The following ADGRF5 variants were observed in gnomAD, a reference collection of about 807,000 sequenced individuals.
ADGRF5 encodes the protein G-protein coupled receptor 116.
Under a neutral mutation model 132.3 loss-of-function variants are expected in ADGRF5, and 75 were observed. That is an observed-to-expected ratio of 0.57 (90% CI 0.47 to 0.69). The LOEUF (loss-of-function observed/expected upper bound fraction) is 0.69, where lower values mean the gene tolerates loss of function less well. Ranked by LOEUF, ADGRF5 falls within the 30% of genes least tolerant of loss-of-function variation. The pLI is 0.00. For synonymous variants in ADGRF5, 629 were observed against 597.6 expected, an observed-to-expected ratio of 1.05 and a Z score of -0.77; for missense variants, 1,516 against 1,630.6, an observed-to-expected ratio of 0.93 and a Z score of 1.21.
chr6:46,915,504 T>A (rs910247914), intron 1 of ADGRF5, among the ~76,000 whole-genome samples: 1 of 152,044 alleles, frequency 6.6e-6, no homozygotes, highest in East Asian at 1.9e-4. Flanking sequence ...TTATTTGCAA[T>A]GTGGCTTAAA....
At chr6:46,950,794 T>C (rs1279787747) in intron 1 of ADGRF5, among the ~76,000 whole-genome samples, 1 of 152,220 alleles carries the variant, frequency 6.6e-6, no homozygotes, top group African/African-American at 2.4e-5. Flanking sequence ...ATTACAGGCA[T>C]GAGCCACTGC....
At chr6:46,952,985 C>G (rs1778557787) in intron 1 of ADGRF5, among the ~76,000 whole-genome samples, 1 of 152,094 alleles carries the variant, frequency 6.6e-6, no homozygotes, top group Non-Finnish European at 1.5e-5. Flanking sequence ...AGAGGTGTCC[C>G]AGGCAGGGAG....
chr6:46,906,590 A>G, intron 2 of ADGRF5, 71 bp downstream of exon 2: 1 of 821,592 alleles, frequency 1.2e-6, no homozygotes, highest in Non-Finnish European at 2.0e-6. Context: ...ACTTTTTGTA[A>G]GAACCATTGT....
In ADGRF5 at chr6:46,865,107, C is replaced by A; in HGVS notation, c.1925G>T (p.Cys642Phe). The A allele has an allele frequency of 2.5e-6, 4 of 1,608,072 alleles. No individual in the cohort carries two copies. The highest frequency in any genetic ancestry group is 3.4e-6 in the Non-Finnish European group (4 of 1,174,358). Residue 642 changes from cysteine to phenylalanine, a missense_variant, in exon 14 of 21, where the codon TGT becomes TTT. Coordinates refer to ENST00000283296, the MANE Select transcript of ADGRF5 (RefSeq NM_001098518.2). ...ATTATTAGCAGCATTGGTAAAGTGA[C>A]AACACACATCAACAGTTTTTGAACA... ...SWCSKTVDVC[C>F]HFTNAANNSV...
At position 46,866,984 on chromosome 6, in the gene ADGRF5, A is replaced by C. The variant is rs917189693; in HGVS notation, c.1775T>G (p.Ile592Arg). The C allele has an allele frequency of 6.2e-7, 1 of 1,613,854 alleles. No homozygotes were observed. The highest frequency in any genetic ancestry group is 1.3e-5 in the African/African-American group (1 of 74,930). The change falls in exon 13 of 21, where the codon ATA (isoleucine) becomes AGA (arginine). Residue 592 changes from isoleucine (I) to arginine (R), a missense_variant. Ile to Arg is a moderately conservative substitution (Grantham distance 97). Transcript: ENST00000283296. ...CSGSHHIKCC[I>R]EEDGDYKVTF... Reference sequence around the variant, plus strand: ...AACTTTGTAGTCTCCATCCTCCTCTATGCAGCACTTGATGTGATGGGAACC... The same window carrying C: ...AACTTTGTAGTCTCCATCCTCCTCTCTGCAGCACTTGATGTGATGGGAACC...
At chr6:46,882,383 G>C (rs1194216636) in intron 6 of ADGRF5, among the ~76,000 whole-genome samples, 3 of 152,196 alleles carry the variant, frequency 2.0e-5, no homozygotes, top group Non-Finnish European at 2.9e-5. Flanking sequence ...AAGACAGAGA[G>C]AGCCATCAGA....
intron 6 of ADGRF5, among the ~76,000 whole-genome samples, chr6:46,882,405 A>C (rs1374739753): frequency 6.6e-6 from 1 of 152,150 alleles, no homozygotes; most frequent in African/African-American, 2.4e-5. Context: ...TCCCAAATGA[A>C]AGAGAGGGAA....
chr6:46,941,461 GA>G (rs869213560), intron 1 of ADGRF5, among the ~76,000 whole-genome samples: 6 of 44,114 alleles, frequency 1.4e-4, no homozygotes, highest in Non-Finnish European at 3.4e-4. Context: ...GAAAAGAAAA[GA>G]AAAGAAAGAA....
intron 1 of ADGRF5, among the ~76,000 whole-genome samples, chr6:46,916,857 A>C (rs1776461297): frequency 1.3e-5 from 2 of 152,138 alleles, no homozygotes; most frequent in Non-Finnish European, 2.9e-5. Flanking sequence ...AAACTGACCC[A>C]CTCCCAGCTT....
At position 46,867,134 on chromosome 6, in the gene ADGRF5, G is replaced by T. The variant is rs760091469; in HGVS notation, c.1625C>A (p.Thr542Asn). ...CTTATATCTAAATATGCAGTGATAGGTTCCTGAGTAGAAGACGGCAAAAAT... is the reference window on the plus strand; with the variant it reads ...CTTATATCTAAATATGCAGTGATAGTTTCCTGAGTAGAAGACGGCAAAAAT... ...VKTSTREWNG[T>N]YHCIFRYKNS... The change falls in exon 13 of 21, where the codon ACC becomes AAC. Residue 542 changes from threonine to asparagine, a missense_variant. Around this residue, in one of 2 missense-constraint regions of ADGRF5, gnomAD observed 945 missense variants for 929.4 expected, o/e 1.02. Transcript: ENST00000283296. The T allele has an allele frequency of 6.3e-7, 1 of 1,582,276 alleles. No individual in the cohort carries two copies. The highest frequency in any genetic ancestry group is 8.7e-7 in the Non-Finnish European group (1 of 1,153,246).
At chr6:46,903,721 C>T (rs1382865862) in intron 2 of ADGRF5, 1 of 152,144 alleles carries the variant, frequency 6.6e-6, no homozygotes, top group African/African-American at 2.4e-5. Context: ...AATCCTCTAG[C>T]AATGTCTCCT....
chr6:46,884,066 C>A (rs767950494), intron 5 of ADGRF5, 29 bp downstream of exon 5: 90 of 1,589,360 alleles, frequency 5.7e-5, no homozygotes, highest in Non-Finnish European at 7.6e-5. Flanking sequence ...AATAGCCACT[C>A]AACGAGCATT....
intron 1 of ADGRF5, among the ~76,000 whole-genome samples, chr6:46,937,028 T>C (rs1201636400): frequency 6.6e-6 from 1 of 152,220 alleles, no homozygotes; most frequent in South Asian, 2.1e-4. Flanking sequence ...AGGCAACCCA[T>C]GGCTGCTCAA....
intron 1 of ADGRF5, among the ~76,000 whole-genome samples, chr6:46,934,998 C>CTTTTTTTT (rs56982002): frequency 2.3e-5 from 2 of 86,706 alleles, no homozygotes; most frequent in African/African-American, 4.7e-5. Context: ...GGTGATAGTT[C>CTTTTTTTT]TTTTTTTTTT....
At chr6:46,948,054 A>G (rs533446607) in intron 1 of ADGRF5, among the ~76,000 whole-genome samples, 1 of 152,332 alleles carries the variant, frequency 6.6e-6, no homozygotes, top group Non-Finnish European at 1.5e-5. Context: ...AGACCCCCAG[A>G]CATAGCCCTG....
At position 46,950,457 on chromosome 6, in the gene ADGRF5, C is replaced by T. The variant is rs562678047; in HGVS notation, c.-25+4277G>A. 2.3e-3 allele frequency among the ~76,000 whole-genome samples: 352 copies of T among 152,254 alleles called. 2 individuals are homozygous for T. The highest frequency in any genetic ancestry group is 8.1e-3 in the African/African-American group (337 of 41,556). On this transcript the variant is annotated intron_variant, in intron 1 of 20. Coordinates refer to the ADGRF5 transcript ENST00000265417. The stretch of plus-strand genomic sequence containing the variant: ...CAACTGTTTGGTGAATGACAGTTTT[C>T]TCATTTTCACCATCTTGGCCAACCT...
chr6:46,860,139 T>C lies in ADGRF5; in HGVS notation c.2379+576A>G, dbSNP rs150009877. Among the ~76,000 whole-genome samples the C allele has an allele frequency of 3.4e-3, 519 of 152,296 alleles. 3 individuals carry two copies. The highest frequency in any genetic ancestry group is 0.012 in the African/African-American group (491 of 41,566). On this transcript the variant is annotated intron_variant, in intron 16 of 20. Transcript: ENST00000283296. ...CCTGCTGACTGGTCCCGCCTCTAAG[T>C]CTTCAGCTCTCACTGGGCTCTGCAC... is the stretch of plus-strand genomic sequence containing the variant.
rs1768659108 is a variant in ADGRF5 at position 46,853,058 on chromosome 6, A to AATATAT, written c.*928_*933dup. 6.6e-6 allele frequency: 1 copy of AATATAT among 152,664 alleles called. No individual in the cohort carries two copies. Among genetic ancestry groups the AATATAT allele is most frequent in the South Asian group, 2.1e-4 (1 of 4,832 alleles). 9.5% of individuals were successfully genotyped at this position (152,664 alleles called of 1,614,324 possible). A position where few individuals can be genotyped will look rare whatever the true frequency, so the allele number is the denominator to read the frequency against. Reference sequence around the variant, plus strand: ...AATTTGGCAATTGAAGGGTATATCAAATATATATTTTTTGCTTTCAAAATG... The same window carrying AATATAT: ...AATTTGGCAATTGAAGGGTATATCAAATATATATATATATTTTTTGCTTTCAAAATG... On this transcript the variant is annotated 3_prime_UTR_variant, in exon 21 of 21. Transcript: ENST00000283296.
chr6:46,929,887 C>T (rs1326314104), intron 1 of ADGRF5, among the ~76,000 whole-genome samples: 4 of 152,108 alleles, frequency 2.6e-5, no homozygotes, highest in African/African-American at 7.2e-5. Flanking sequence ...GCAGCACGAT[C>T]TTGGGTCAGT....
Sources: gnomAD v4.1 joint callset for allele counts (sites outside exome capture counted in the v4.1 genomes callset) on GRCh38, gnomAD v4.1.1 for gene constraint, gnomAD v4.1.1 regional missense constraint, MANE v1.5 for transcripts, NCBI Gene and HGNC (gene_info 2026-07-23, HGNC 2026-07-21) for gene names.